Variants in MYRFL observed in about 807,000 individuals in gnomAD.
MYRFL encodes myelin regulatory factor like, also known as myelin regulatory factor-like protein.
A neutral mutation model predicts 109.4 loss-of-function variants in MYRFL; 88 were observed. That is an observed-to-expected ratio of 0.80 (90% CI 0.68 to 0.96). The LOEUF (loss-of-function observed/expected upper bound fraction) is 0.96. Ranked by LOEUF, MYRFL falls within the 40% of genes least tolerant of loss-of-function variation. The pLI is 0.00. For synonymous variants in MYRFL, 324 were observed against 320.9 expected (o/e 1.01, Z -0.10); for missense variants, 957 against 954.9 (o/e 1.00, Z -0.03).
At chr12:69,864,579 A>G (rs1884897402) in intron 2 of MYRFL, among the ~76,000 whole-genome samples, 2 of 151,578 alleles carry the variant, frequency 1.3e-5, no homozygotes, top group East Asian at 3.9e-4. Flanking sequence ...TGCCAAGAGA[A>G]ACTTCCTTGG....
chr12:69,959,015 T>G lies in MYRFL; in HGVS notation c.*484T>G, dbSNP rs544772742. On this transcript the variant is annotated 3_prime_UTR_variant, in exon 25 of 25. Transcript: ENST00000552032. The stretch of plus-strand genomic sequence containing the variant: ...ACTGAGCTCACATTTAGGCAAATTG[T>G]CCTATGTGTGTGTGTATTGTATAAA... 3 of 160,634 alleles carry G rather than the reference T, an allele frequency of 1.9e-5. No homozygotes were observed. In the East Asian group the frequency reaches 5.5e-4, roughly 30 times the overall value. The allele number at this position is 160,634 out of a possible 1,614,324, so 10.0% of individuals were successfully genotyped here. A position where few individuals can be genotyped will look rare whatever the true frequency, so the allele number is the denominator to read the frequency against.
At chr12:69,954,198 A>G (rs952089024) in intron 21 of MYRFL, among the ~76,000 whole-genome samples, 1 of 151,590 alleles carries the variant, frequency 6.6e-6, no homozygotes, top group Non-Finnish European at 1.5e-5. Context: ...AAGTCCTAGA[A>G]CTTCTTTGAC....
Position 69,893,821 on chromosome 12 carries a change from AAG to A in MYRFL, c.963_964del (p.Lys321AsnfsTer6). 7.2e-7 allele frequency: 1 copy of A among 1,383,682 alleles called. No individual in the cohort carries two copies. The highest frequency in any genetic ancestry group is 9.4e-7 in the Non-Finnish European group (1 of 1,067,624). 85.7% of individuals were successfully genotyped at this position (1,383,682 alleles called of 1,614,324 possible). A position where few individuals can be genotyped will look rare whatever the true frequency, so the allele number is the denominator to read the frequency against. Reference protein sequence around the residue: ...IEQSQADRSKKIFNPVKIDLL... With the variant: ...IEQSQADRSKXIFNPVKIDLL... ...ACAGTCCCAAGCAGATAGGAGCAAA[AAG>A]ATTTTCAATCCTGTTAAGTAAGAAT... On this transcript the variant is annotated frameshift_variant, in exon 8 of 25. Transcript: ENST00000552032. LOFTEE classifies it high-confidence loss of function.
intron 11 of MYRFL, among the ~76,000 whole-genome samples, chr12:69,909,122 T>C (rs535548340): frequency 6.6e-6 from 1 of 152,310 alleles, no homozygotes; most frequent in South Asian, 2.1e-4. Flanking sequence ...TTAAAGGTGA[T>C]TGGTAAATGT....
At chr12:69,901,025 T>C (rs1378393893) in intron 10 of MYRFL, among the ~76,000 whole-genome samples, 2 of 152,080 alleles carry the variant, frequency 1.3e-5, no homozygotes, top group Non-Finnish European at 2.9e-5. Flanking sequence ...AATAACCCTA[T>C]GAGGTGGGTA....
rs764406470 is a variant in MYRFL, at chr12:69,879,365, C to A, written c.376C>A (p.His126Asn). 5 of 702,832 alleles carry A rather than the reference C, an allele frequency of 7.1e-6. No homozygotes were observed. In the South Asian group the frequency reaches 7.4e-5, roughly 10 times the overall value. 43.5% of individuals were successfully genotyped at this position (702,832 alleles called of 1,614,324 possible). ...GFHSCHSNASHLATPLDQSVS... is the reference protein window; with the variant it reads ...GFHSCHSNASNLATPLDQSVS... ...TCACAGCTGCCACTCAAACGCCAGTCATCTTGCCACCCCCCTGGACCAATC... is the reference window on the plus strand; with the variant it reads ...TCACAGCTGCCACTCAAACGCCAGTAATCTTGCCACCCCCCTGGACCAATC... Residue 126 changes from histidine to asparagine, a missense_variant, in exon 4 of 25, where the codon CAT (histidine) becomes AAT (asparagine). His to Asn is a moderately conservative substitution (Grantham distance 68). Transcript: ENST00000552032.
intron 9 of MYRFL, 50 bp downstream of exon 9, chr12:69,895,531 C>A: frequency 6.8e-7 from 1 of 1,470,374 alleles, no homozygotes; most frequent in Non-Finnish European, 9.2e-7. Flanking sequence ...CTTTATCTGG[C>A]CAGGAAGTGC....
At chr12:69,841,634 A>G (rs1012992222) in intron 1 of MYRFL, among the ~76,000 whole-genome samples, 84 of 152,282 alleles carry the variant, frequency 5.5e-4, no homozygotes, top group African/African-American at 1.9e-3. Context: ...CACAGCATTC[A>G]AGGCCCTAGG....
chr12:69,862,507 A>G (rs984386730), intron 2 of MYRFL, among the ~76,000 whole-genome samples: 3 of 150,328 alleles, frequency 2.0e-5, no homozygotes, highest in African/African-American at 2.4e-5. Flanking sequence ...TTCTCTTTGA[A>G]GCAATTGTGA....
At chr12:69,828,760 C>T (rs529107418) in intron 1 of MYRFL, among the ~76,000 whole-genome samples, 4 of 152,204 alleles carry the variant, frequency 2.6e-5, no homozygotes, top group East Asian at 3.9e-4. Flanking sequence ...CCATTCCTCA[C>T]TTTACTTCAT....
At chr12:69,944,489 A>G (rs7304660) in intron 19 of MYRFL, among the ~76,000 whole-genome samples, 2 of 141,750 alleles carry the variant, frequency 1.4e-5, no homozygotes, top group African/African-American at 5.3e-5. Context: ...AACAATGAGA[A>G]CACATGGACA....
At chr12:69,830,655 T>C (rs1200348192) in intron 1 of MYRFL, among the ~76,000 whole-genome samples, 2 of 152,038 alleles carry the variant, frequency 1.3e-5, no homozygotes, top group Non-Finnish European at 2.9e-5. Flanking sequence ...AATTTAGGAT[T>C]ATCTGAACAT....
At chr12:69,858,433 T>G (rs557225881) in intron 2 of MYRFL, among the ~76,000 whole-genome samples, 1 of 152,166 alleles carries the variant, frequency 6.6e-6, no homozygotes, top group East Asian at 1.9e-4. Flanking sequence ...ATTTATTTCT[T>G]GCTTAAATGT....
intron 10 of MYRFL, among the ~76,000 whole-genome samples, chr12:69,898,470 C>A (rs906555710): frequency 6.6e-6 from 1 of 152,142 alleles, no homozygotes; most frequent in Non-Finnish European, 1.5e-5. Context: ...CAGGTGGGGC[C>A]CTCTCCTTGC....
chr12:69,891,637 T>TTTCTTTC (rs1566002318), intron 7 of MYRFL, among the ~76,000 whole-genome samples: 981 of 53,812 alleles, frequency 0.018, 47 homozygotes, highest in African/African-American at 0.033. Flanking sequence ...CTTCCTTTCT[T>TTTCTTTC]TTTCTTTCTT....
intron 11 of MYRFL, among the ~76,000 whole-genome samples, chr12:69,909,149 A>AGAAT (rs1166067198): frequency 2.6e-5 from 4 of 152,272 alleles, no homozygotes; most frequent in African/African-American, 9.6e-5. Flanking sequence ...AATAAAACAA[A>AGAAT]GAATGAATGA....
At chr12:69,948,493 G>T (rs556290063) in intron 19 of MYRFL, among the ~76,000 whole-genome samples, 37 of 152,322 alleles carry the variant, frequency 2.4e-4, no homozygotes, top group African/African-American at 8.7e-4. Context: ...CAGCAGGCAA[G>T]TAGGACAAAA....
At chr12:69,919,346 TAAATG>T (rs371414379) in intron 13 of MYRFL, among the ~76,000 whole-genome samples, 2 of 152,172 alleles carry the variant, frequency 1.3e-5, no homozygotes, top group African/African-American at 4.8e-5. Context: ...AAATTGCACT[TAAATG>T]AAAGTAACAA....
intron 8 of MYRFL, 28 bp from the exon 9 acceptor site, chr12:69,895,343 G>T: frequency 7.0e-7 from 1 of 1,428,256 alleles, no homozygotes; most frequent in Non-Finnish European, 9.5e-7. Flanking sequence ...ATAGTCTCTT[G>T]GTTTTTTTTT....
Sources: gnomAD v4.1 joint callset for allele counts (sites outside exome capture counted in the v4.1 genomes callset) on GRCh38, gnomAD v4.1.1 for gene constraint, MANE v1.5 for transcripts, NCBI Gene and HGNC (gene_info 2026-07-23, HGNC 2026-07-21) for gene names.